Variants in TAFA5 observed in about 807,000 individuals in gnomAD.
TAFA5 encodes chemokine-like protein TAFA-5.
In TAFA5, 6 loss-of-function variants were observed where a neutral mutation model predicts 15.3. The ratio of observed to expected loss-of-function variants is 0.39; its 90% CI spans 0.21 to 0.77. TAFA5 has a LOEUF of 0.77. Among genes scored for constraint, TAFA5 ranks in the 30% least tolerant of loss-of-function variants. TAFA5 has a pLI of 0.41. For synonymous variants in TAFA5, 103 were observed against 80.7 expected, an observed-to-expected ratio of 1.28 and a Z score of -1.48; for missense variants, 161 against 193.1, an observed-to-expected ratio of 0.83 and a Z score of 0.98.
chr22:48,522,116 G>A (rs758432492), intron 1 of TAFA5, among the ~76,000 whole-genome samples: 7 of 146,888 alleles, frequency 4.8e-5, no homozygotes, highest in African/African-American at 1.7e-4. Flanking sequence ...CAGCAAGGAC[G>A]TTGTTTTGTT....
At chr22:48,605,867 G>C (rs1485250014) in intron 1 of TAFA5, among the ~76,000 whole-genome samples, 1 of 152,178 alleles carries the variant, frequency 6.6e-6, no homozygotes, top group East Asian at 1.9e-4. Flanking sequence ...ATCCTGGAGT[G>C]TAAGCGTCCA....
At chr22:48,559,903 A>T (rs1422625377) in intron 1 of TAFA5, among the ~76,000 whole-genome samples, 6 of 152,068 alleles carry the variant, frequency 3.9e-5, no homozygotes, top group Non-Finnish European at 8.8e-5. Context: ...CGTGCACTGA[A>T]TCTTTGCGGG....
intron 1 of TAFA5, among the ~76,000 whole-genome samples, chr22:48,578,980 G>C (rs1265314226): frequency 6.6e-6 from 1 of 152,246 alleles, no homozygotes; most frequent in Non-Finnish European, 1.5e-5. Context: ...ATTGTGACTT[G>C]TTGTCTGGGC....
At chr22:48,614,534 G>T (rs1925527572) in intron 1 of TAFA5, among the ~76,000 whole-genome samples, 1 of 152,182 alleles carries the variant, frequency 6.6e-6, no homozygotes, top group Admixed American at 6.5e-5. Flanking sequence ...AGGACCCCGG[G>T]CAGGAGACAA....
intron 1 of TAFA5, among the ~76,000 whole-genome samples, chr22:48,591,630 G>C (rs939446727): frequency 6.6e-6 from 1 of 152,374 alleles, no homozygotes; most frequent in African/African-American, 2.4e-5. Context: ...CCAGGGCAGC[G>C]GGGTCACAGG....
In TAFA5 at chr22:48,703,335, CCTT is replaced by C. The variant is rs756633683; in HGVS notation, c.263-4376_263-4374del. On this transcript the variant is annotated intron_variant, in intron 2 of 3. Transcript: ENST00000402357. ...AGTCCCCCCGGACCCCGCCGTCCTT[CCTT>C]CTTCTCCTTCAGGTGACCCTGAGCA... Among the ~76,000 whole-genome samples, 65 of 152,330 alleles carry C rather than the reference CCTT, an allele frequency of 4.3e-4. 1 individual carries two copies. Among genetic ancestry groups the C allele is most frequent in the South Asian group, 8.3e-4 (4 of 4,826 alleles).
At chr22:48,735,626 G>T (rs1348964233) in intron 3 of TAFA5, among the ~76,000 whole-genome samples, 1 of 152,236 alleles carries the variant, frequency 6.6e-6, no homozygotes, top group Non-Finnish European at 1.5e-5. Flanking sequence ...TAGGCACTCT[G>T]TGGAGAGAAT....
At chr22:48,706,564 G>GT (rs1929084800) in intron 2 of TAFA5, among the ~76,000 whole-genome samples, 1 of 152,300 alleles carries the variant, frequency 6.6e-6, no homozygotes, top group Admixed American at 6.5e-5. Context: ...AAGATGCAAA[G>GT]TTCTCCCTAA....
chr22:48,635,408 T>G (rs2147193100), intron 1 of TAFA5, among the ~76,000 whole-genome samples: 1 of 152,296 alleles, frequency 6.6e-6, no homozygotes, highest in South Asian at 2.1e-4. Context: ...CTCCAGCCAC[T>G]CTGCCTTCCT....
intron 2 of TAFA5, among the ~76,000 whole-genome samples, chr22:48,703,580 T>C (rs1288274570): frequency 6.6e-6 from 1 of 152,224 alleles, no homozygotes; most frequent in Admixed American, 6.5e-5. Context: ...CAACACAGCC[T>C]GTAGGTTCTG....
chr22:48,750,565 G>C lies in TAFA5; in HGVS notation c.*718G>C, dbSNP rs1247712100. 1 of 152,410 alleles carries C rather than the reference G, an allele frequency of 6.6e-6. No homozygotes were observed. The highest frequency in any genetic ancestry group is 1.5e-5 in the Non-Finnish European group (1 of 68,054). 9.4% of individuals were successfully genotyped at this position (152,410 alleles called of 1,614,324 possible). On this transcript the variant is annotated 3_prime_UTR_variant, in exon 4 of 4. Transcript: ENST00000402357. Reference sequence around the variant, plus strand: ...AGGCAGCGACGGCCCCCACGCAGACGCCGGGAACGCAGGCCGCTTTATTCC... The same window carrying C: ...AGGCAGCGACGGCCCCCACGCAGACCCCGGGAACGCAGGCCGCTTTATTCC...
chr22:48,719,521 C>A (rs1466956383), intron 3 of TAFA5, among the ~76,000 whole-genome samples: 1 of 152,186 alleles, frequency 6.6e-6, no homozygotes, highest in Non-Finnish European at 1.5e-5. Flanking sequence ...CATTCCCTAC[C>A]CTCTCACCAG....
Position 48,552,123 on chromosome 22 carries a change from C to G in TAFA5, c.112+62419C>G, listed in dbSNP as rs993358058. On this transcript the variant is annotated intron_variant, in intron 1 of 3. Coordinates refer to ENST00000402357, the MANE Select transcript of TAFA5 (RefSeq NM_001082967.3). This position sits in a 1 kb window ranked among gnomAD's most constrained non-coding sequence, Gnocchi z 4.1. ...GGCTGCAGCCTGTGCACTGTGAGCC[C>G]TCCTTGTGTGGGCTCCCGGGGACCA... 6.6e-6 allele frequency among the ~76,000 whole-genome samples: 1 copy of G among 152,228 alleles called. No homozygotes were observed. Among genetic ancestry groups the G allele is most frequent in the African/African-American group, 2.4e-5 (1 of 41,458 alleles).
chr22:48,706,682 GA>G (rs1411554242), intron 2 of TAFA5, among the ~76,000 whole-genome samples: 2 of 152,228 alleles, frequency 1.3e-5, no homozygotes, highest in African/African-American at 2.4e-5. Flanking sequence ...TTTGGTATCT[GA>G]TCTGAATGCC....
At chr22:48,631,717 C>T (rs917534884) in intron 1 of TAFA5, among the ~76,000 whole-genome samples, 3 of 152,200 alleles carry the variant, frequency 2.0e-5, no homozygotes, top group Admixed American at 6.5e-5. Flanking sequence ...GGCTGGATCT[C>T]ACGTTGAGAG....
chr22:48,690,203 C>T (rs1057123157), intron 2 of TAFA5, among the ~76,000 whole-genome samples: 1 of 152,118 alleles, frequency 6.6e-6, no homozygotes, highest in African/African-American at 2.4e-5. Context: ...CCAGCGGGTT[C>T]CTGGATGTGA....
chr22:48,600,546 G>A lies in TAFA5; in HGVS notation c.113-46051G>A, dbSNP rs117349318. 9.2e-3 allele frequency among the ~76,000 whole-genome samples: 1,195 copies of A among 129,702 alleles called. 5 individuals are homozygous for A. Among genetic ancestry groups the A allele is most frequent in the Non-Finnish European group, 0.014 (870 of 61,828 alleles). 85.1% of individuals were successfully genotyped at this position (129,702 alleles called of 152,430 possible). On this transcript the variant is annotated intron_variant, in intron 1 of 3. Transcript: ENST00000402357. ...CCCGTGCCCATGCCTAGGACTTTGC[G>A]TGTGTCTGTACGTGTGATTTCGTGT...
In TAFA5 at chr22:48,490,778, C is replaced by CAAAAAAA. The variant is rs377764643; in HGVS notation, c.112+1084_112+1090dup. Among the ~76,000 whole-genome samples the CAAAAAAA allele has an allele frequency of 3.1e-4, 26 of 83,500 alleles. No homozygotes were observed. The highest frequency in any genetic ancestry group is 9.3e-4 in the African/African-American group (20 of 21,416). 54.8% of individuals were successfully genotyped at this position (83,500 alleles called of 152,430 possible). A position where few individuals can be genotyped will look rare whatever the true frequency, so the allele number is the denominator to read the frequency against. The stretch of plus-strand genomic sequence containing the variant: ...GTGATGGAAAAATATGGATTCTTTA[C>CAAAAAAA]AAAAAAAAAAAAAAAAGGCCAGCAC... On this transcript the variant is annotated intron_variant, in intron 1 of 3. Coordinates refer to ENST00000402357, the MANE Select transcript of TAFA5 (RefSeq NM_001082967.3). This position sits in a 1 kb window ranked among gnomAD's most constrained non-coding sequence, Gnocchi z 5.8.
At chr22:48,613,010 A>C (rs1925467550) in intron 1 of TAFA5, among the ~76,000 whole-genome samples, 1 of 152,160 alleles carries the variant, frequency 6.6e-6, no homozygotes, top group South Asian at 2.1e-4. Flanking sequence ...CTCCTCTGGC[A>C]TCCCTGGCAG....
Sources: gnomAD v4.1 joint callset for allele counts (sites outside exome capture counted in the v4.1 genomes callset) on GRCh38, gnomAD v4.1.1 for gene constraint, Gnocchi (gnomAD v3.1) non-coding constraint, MANE v1.5 for transcripts, NCBI Gene and HGNC (gene_info 2026-07-23, HGNC 2026-07-21) for gene names.